Variants in RIPOR2 observed in about 807,000 individuals in gnomAD.
RIPOR2 encodes rho family-interacting cell polarization regulator 2.
In RIPOR2, 39 loss-of-function variants were observed where a neutral mutation model predicts 114.5. The observed-to-expected ratio is 0.34, with a 90% CI of 0.26 to 0.44. RIPOR2 has a LOEUF of 0.44. Ranked by LOEUF, RIPOR2 falls within the 20% of genes least tolerant of loss-of-function variation. The pLI, the probability that RIPOR2 is intolerant of heterozygous loss-of-function variation, is 1.00. For synonymous variants in RIPOR2, 445 were observed against 484.4 expected (o/e 0.92, Z 1.07); for missense variants, 1,007 against 1,255.1 (o/e 0.80, Z 2.99).
intron 21 of RIPOR2, among the ~76,000 whole-genome samples, chr6:24,808,302 G>A (rs536073370): frequency 1.1e-3 from 173 of 152,308 alleles, no homozygotes; most frequent in African/African-American, 3.9e-3. Context: ...TAGAAGCTTC[G>A]TTGGCTATGC....
At chr6:25,041,966 G>C (rs1432922134) in exon 1 of RIPOR2, 1 of 689,310 alleles carries the variant, frequency 1.5e-6, no homozygotes, top group Non-Finnish European at 2.6e-6. Flanking sequence ...CATGGCAAAG[G>C]AACAAAAGGG....
chr6:25,009,299 A>G (rs1775684553), intron 1 of RIPOR2, among the ~76,000 whole-genome samples: 1 of 152,216 alleles, frequency 6.6e-6, no homozygotes, highest in Non-Finnish European at 1.5e-5. Context: ...TTCAACCTTT[A>G]TCTTGATTAG....
At chr6:24,942,365 T>A (rs953337888) in intron 1 of RIPOR2, among the ~76,000 whole-genome samples, 3 of 152,174 alleles carry the variant, frequency 2.0e-5, no homozygotes, top group Non-Finnish European at 2.9e-5. Context: ...TTAAAAGAGA[T>A]TGGATATTAG....
At chr6:24,855,437 T>C (rs964830254) in intron 8 of RIPOR2, among the ~76,000 whole-genome samples, 1 of 152,146 alleles carries the variant, frequency 6.6e-6, no homozygotes, top group African/African-American at 2.4e-5. Context: ...AGTGTTTAAA[T>C]AGAGATTGAA....
intron 1 of RIPOR2, among the ~76,000 whole-genome samples, chr6:24,983,150 T>C (rs1181882917): frequency 6.6e-6 from 1 of 151,760 alleles, no homozygotes; most frequent in African/African-American, 2.4e-5. Context: ...ACTCTCTACT[T>C]ATGTTAATTT....
At chr6:25,025,546 A>C (rs938560176) in intron 1 of RIPOR2, among the ~76,000 whole-genome samples, 4 of 152,180 alleles carry the variant, frequency 2.6e-5, no homozygotes, top group Admixed American at 6.5e-5. Flanking sequence ...TTGTGCCTTA[A>C]AAAGAGAAAA....
upstream of RIPOR2, among the ~76,000 whole-genome samples, chr6:24,939,493 A>G (rs528257458): frequency 2.0e-5 from 3 of 152,332 alleles, no homozygotes; most frequent in Admixed American, 2.0e-4. Flanking sequence ...ACAAGTGGAA[A>G]TTTATGGCAC....
intron 1 of RIPOR2, among the ~76,000 whole-genome samples, chr6:25,005,740 T>TACAC (rs1554130567): frequency 3.8e-5 from 4 of 104,520 alleles, no homozygotes; most frequent in East Asian, 3.8e-4. Flanking sequence ...TATATATATA[T>TACAC]ACATTTACCG....
intron 2 of RIPOR2, among the ~76,000 whole-genome samples, chr6:24,874,159 G>A (rs1225855440): frequency 2.0e-5 from 3 of 151,834 alleles, no homozygotes; most frequent in African/African-American, 7.3e-5. Flanking sequence ...GCCTCCCGAG[G>A]TACTGGGACC....
chr6:24,871,192 T>C (rs1765127694), intron 4 of RIPOR2, among the ~76,000 whole-genome samples: 1 of 152,190 alleles, frequency 6.6e-6, no homozygotes. Context: ...AAGTTTTCAC[T>C]TGCTTTGAGC....
intron 1 of RIPOR2, among the ~76,000 whole-genome samples, chr6:24,913,750 T>C (rs1258145143): frequency 6.6e-6 from 1 of 152,172 alleles, no homozygotes; most frequent in Non-Finnish European, 1.5e-5. Flanking sequence ...TCTCTTATAA[T>C]GCTGTTCACT....
At chr6:24,922,963 G>A (rs1283976830) in intron 1 of RIPOR2, among the ~76,000 whole-genome samples, 4 of 150,640 alleles carry the variant, frequency 2.7e-5, no homozygotes, top group Non-Finnish European at 2.9e-5. Flanking sequence ...CATTCATACC[G>A]TTCTGCACCA....
intron 1 of RIPOR2, among the ~76,000 whole-genome samples, chr6:25,016,055 C>T (rs1360874514): frequency 6.6e-6 from 1 of 151,738 alleles, no homozygotes; most frequent in Non-Finnish European, 1.5e-5. Context: ...AGGCAGGCGC[C>T]ATCATGCCTA....
At chr6:24,963,476 C>T (rs759113958) in intron 1 of RIPOR2, among the ~76,000 whole-genome samples, 1 of 152,080 alleles carries the variant, frequency 6.6e-6, no homozygotes, top group Non-Finnish European at 1.5e-5. Context: ...TACCTAAGAA[C>T]AAGTGTAAAA....
chr6:24,959,762 T>C (rs925661180), intron 1 of RIPOR2, among the ~76,000 whole-genome samples: 8 of 152,134 alleles, frequency 5.3e-5, no homozygotes, highest in African/African-American at 1.9e-4. Flanking sequence ...ACTGCCGGCA[T>C]GTCCTCTGTT....
At chr6:24,971,452 C>G (rs893952251) in intron 1 of RIPOR2, among the ~76,000 whole-genome samples, 1 of 152,362 alleles carries the variant, frequency 6.6e-6, no homozygotes, top group South Asian at 2.1e-4. Context: ...GGAGTGCTCT[C>G]GCAGCCTGTT....
At position 24,987,746 on chromosome 6, in the gene RIPOR2, A is replaced by C. The variant is rs189421604; in HGVS notation, c.76+54105T>G. On this transcript the variant is annotated intron_variant, in intron 1 of 13. Transcript: ENST00000510784. ...ATGTCCTTGCCGTTTAGTCATTTAC[A>C]TATGGCATATACCACATGGGATAAA... Among the ~76,000 whole-genome samples the C allele has an allele frequency of 2.5e-4, 38 of 152,358 alleles. 1 individual carries two copies. Among genetic ancestry groups the C allele is most frequent in the Admixed American group, 2.5e-3 (38 of 15,300 alleles).
intron 1 of RIPOR2, among the ~76,000 whole-genome samples, chr6:25,013,210 C>A (rs1271781857): frequency 6.6e-6 from 1 of 152,144 alleles, no homozygotes; most frequent in Non-Finnish European, 1.5e-5. Context: ...GCATGGATCT[C>A]CCCAAAGAAG....
chr6:25,036,371 A>T (rs1229349988), intron 1 of RIPOR2, among the ~76,000 whole-genome samples: 1 of 151,794 alleles, frequency 6.6e-6, no homozygotes, highest in Non-Finnish European at 1.5e-5. Flanking sequence ...TCTACCTAAC[A>T]GAGTTCAACG....
Sources: allele counts gnomAD v4.1 joint callset (sites outside exome capture counted in the v4.1 genomes callset), GRCh38; gene constraint gnomAD v4.1.1; transcripts MANE v1.5; gene names NCBI Gene and HGNC (gene_info 2026-07-23, HGNC 2026-07-21).